SYT14: variants seen among roughly 807,000 people sequenced by gnomAD.
SYT14 encodes synaptotagmin-14.
A neutral mutation model predicts 74.2 loss-of-function variants in SYT14; 32 were observed. The ratio of observed to expected loss-of-function variants is 0.43; its 90% confidence interval spans 0.33 to 0.58. The LOEUF is 0.58. Ranked by LOEUF, SYT14 falls within the 20% of genes least tolerant of loss-of-function variation. The pLI, the probability that SYT14 is intolerant of heterozygous loss-of-function variation, is 0.05. For missense variants in SYT14, 791 were observed against 981.8 expected (o/e 0.81, Z 2.60); for synonymous variants, 298 against 337.7 (o/e 0.88, Z 1.29).
chr1:210,122,118 C>CA lies in SYT14; in HGVS notation c.2034+21658dup, dbSNP rs1300196075. 3.1e-5 allele frequency among the ~76,000 whole-genome samples: 2 copies of CA among 64,166 alleles called. 1 individual carries two copies. Among genetic ancestry groups the CA allele is most frequent in the African/African-American group, 1.9e-4 (2 of 10,400 alleles). The allele number at this position is 64,166 out of a possible 152,430, so 42.1% of individuals were successfully genotyped here. Reference sequence around the variant, plus strand: ...TCAGCCTCCCAAGTAGCTGGGACTACAGGCGCCCGCCACTACGCCCGGCTA... The same window carrying CA: ...TCAGCCTCCCAAGTAGCTGGGACTACAAGGCGCCCGCCACTACGCCCGGCTA... On this transcript the variant is annotated intron_variant, in intron 7 of 9. Transcript: ENST00000637265.
intron 5 of SYT14, among the ~76,000 whole-genome samples, chr1:210,063,711 T>G (rs962882110): frequency 1.3e-5 from 2 of 151,936 alleles, no homozygotes; most frequent in African/African-American, 4.8e-5. Flanking sequence ...ATGCCTTAAC[T>G]GCTGTCTTCA....
chr1:210,003,117 A>G (rs1037609848), intron 2 of SYT14, among the ~76,000 whole-genome samples: 4 of 152,124 alleles, frequency 2.6e-5, no homozygotes, highest in African/African-American at 9.7e-5. Context: ...GTTTGTATGT[A>G]AATTCATTTT....
chr1:210,058,312 G>C (rs2081137592), intron 5 of SYT14, among the ~76,000 whole-genome samples: 1 of 152,170 alleles, frequency 6.6e-6, no homozygotes, highest in African/African-American at 2.4e-5. Flanking sequence ...GATGAGGTAG[G>C]GGGAGAAAGA....
intron 7 of SYT14, among the ~76,000 whole-genome samples, chr1:210,121,560 C>T (rs1221889400): frequency 2.0e-5 from 3 of 151,938 alleles, no homozygotes; most frequent in South Asian, 2.1e-4. Flanking sequence ...TTTGGGAGGC[C>T]AAGGTGGGCG....
At chr1:209,958,895 A>G (rs756295295) in intron 2 of SYT14, among the ~76,000 whole-genome samples, 8 of 152,196 alleles carry the variant, frequency 5.3e-5, no homozygotes, top group Non-Finnish European at 1.0e-4. Flanking sequence ...ACTAAGCATG[A>G]TCTTATAAAT....
At chr1:210,006,896 T>C (rs983886167) in intron 2 of SYT14, among the ~76,000 whole-genome samples, 10 of 152,002 alleles carry the variant, frequency 6.6e-5, no homozygotes, top group Non-Finnish European at 1.2e-4. Flanking sequence ...TATTTTCATG[T>C]ATATCCTAGC....
At chr1:210,078,528 T>C (rs2081556635) in intron 5 of SYT14, among the ~76,000 whole-genome samples, 2 of 152,026 alleles carry the variant, frequency 1.3e-5, no homozygotes, top group Admixed American at 6.6e-5. Context: ...CTAAGAATAT[T>C]ACTTAATGAC....
At chr1:210,072,132 G>GATATAT (rs34290398) in intron 5 of SYT14, among the ~76,000 whole-genome samples, 13,733 of 146,132 alleles carry the variant, frequency 0.094, 919 homozygotes, top group East Asian at 0.3. Flanking sequence ...GTTAATTAAA[G>GATATAT]ATATATATAT....
chr1:210,139,522 T>C (rs528378366), intron 7 of SYT14, among the ~76,000 whole-genome samples: 1 of 152,290 alleles, frequency 6.6e-6, no homozygotes, highest in South Asian at 2.1e-4. Flanking sequence ...ATCATAAAAT[T>C]CACCCTTTTA....
At chr1:210,084,138 G>C (rs2081671646) in intron 5 of SYT14, among the ~76,000 whole-genome samples, 1 of 152,156 alleles carries the variant, frequency 6.6e-6, no homozygotes. Flanking sequence ...TCAAAGGTCA[G>C]GCGTAGAGCC....
intron 2 of SYT14, among the ~76,000 whole-genome samples, chr1:209,998,641 T>A (rs1016708161): frequency 1.3e-5 from 2 of 151,992 alleles, no homozygotes; most frequent in African/African-American, 4.8e-5. Flanking sequence ...GAAATAAATC[T>A]ATGTATTTAT....
intron 7 of SYT14, among the ~76,000 whole-genome samples, chr1:210,125,332 A>C (rs1276599025): frequency 6.6e-6 from 1 of 151,332 alleles, no homozygotes; most frequent in Non-Finnish European, 1.5e-5. Context: ...TTTCTGCGCT[A>C]ATTCACTTAG....
chr1:210,119,186 C>G (rs1028859443), intron 7 of SYT14, among the ~76,000 whole-genome samples: 3 of 151,992 alleles, frequency 2.0e-5, no homozygotes, highest in Non-Finnish European at 4.4e-5. Flanking sequence ...ATATTTCTTC[C>G]AAGAATTATG....
chr1:210,081,827 T>C (rs998324380), intron 5 of SYT14, among the ~76,000 whole-genome samples: 1 of 152,158 alleles, frequency 6.6e-6, no homozygotes, highest in African/African-American at 2.4e-5. Flanking sequence ...ATAATCATAA[T>C]AGCACTATAG....
intron 5 of SYT14, among the ~76,000 whole-genome samples, chr1:210,028,275 A>G (rs1384206824): frequency 3.3e-5 from 5 of 152,160 alleles, no homozygotes; most frequent in African/African-American, 1.2e-4. Flanking sequence ...AAATTGTGGT[A>G]AAATACACAT....
At chr1:210,118,539 G>A (rs138091797) in intron 7 of SYT14, among the ~76,000 whole-genome samples, 17 of 152,122 alleles carry the variant, frequency 1.1e-4, no homozygotes, top group South Asian at 6.2e-4. Context: ...GTGCAATGGC[G>A]TGGTCTCGGC....
intron 5 of SYT14, among the ~76,000 whole-genome samples, chr1:210,052,070 C>T (rs1384947817): frequency 1.3e-5 from 2 of 152,070 alleles, no homozygotes; most frequent in African/African-American, 2.4e-5. Context: ...ACACTGTTGT[C>T]GAATTGTTAA....
chr1:209,970,922 C>T (rs895273177), intron 2 of SYT14, among the ~76,000 whole-genome samples: 3 of 151,836 alleles, frequency 2.0e-5, no homozygotes, highest in African/African-American at 7.3e-5. Context: ...TCAGGTGATC[C>T]ACCTGCCTTG....
intron 7 of SYT14, among the ~76,000 whole-genome samples, chr1:210,146,864 T>C (rs1648753989): frequency 6.6e-6 from 1 of 151,646 alleles, no homozygotes; most frequent in Admixed American, 6.6e-5. Flanking sequence ...ATATACTATA[T>C]GTATGTAGTA....
Sources: allele counts gnomAD v4.1 joint callset (sites outside exome capture counted in the v4.1 genomes callset), GRCh38; gene constraint gnomAD v4.1.1; transcripts MANE v1.5; gene names NCBI Gene and HGNC (gene_info 2026-07-23, HGNC 2026-07-21).